Variants in SPMIP9 observed in about 807,000 individuals in gnomAD.
The protein encoded by SPMIP9 is protein SPMIP9.
the SPMIP9 span, chr2:88,528,971 C>CT: frequency 2.9e-6 from 4 of 1,400,626 alleles, no homozygotes; most frequent in African/African-American, 5.8e-5. Context: ...AGGGTGTGCT[C>CT]TGTCTTGGAT....
At chr2:88,526,893 C>G in the SPMIP9 span, among the ~76,000 whole-genome samples, 1 of 152,236 alleles carries the variant, frequency 6.6e-6, no homozygotes, top group South Asian at 2.1e-4. Flanking sequence ...ATCTTGAACT[C>G]CTGACCTCGT....
At chr2:88,526,255 G>C in the SPMIP9 span, 2 of 643,260 alleles carry the variant, frequency 3.1e-6, no homozygotes, top group South Asian at 1.9e-5. Context: ...TGGCGGGATG[G>C]TAAAAATGGG....
chr2:88,529,169 G>T, the SPMIP9 span: 1 of 1,614,170 alleles, frequency 6.2e-7, no homozygotes, highest in African/African-American at 1.3e-5. Context: ...GACTGCCAAA[G>T]ACCTGGGACT....
chr2:88,526,399 C>T, the SPMIP9 span: 1 of 1,608,452 alleles, frequency 6.2e-7, no homozygotes, highest in Non-Finnish European at 8.5e-7. Context: ...TCTCCTTGTG[C>T]TTTAGGACCC....
the SPMIP9 span, among the ~76,000 whole-genome samples, chr2:88,528,073 A>G: frequency 1.3e-5 from 2 of 150,568 alleles, no homozygotes; most frequent in African/African-American, 4.9e-5. Context: ...TCATTTTTCT[A>G]CTGGGTTTCT....
At chr2:88,526,279 A>G in the SPMIP9 span, 9 of 724,106 alleles carry the variant, frequency 1.2e-5, no homozygotes, top group East Asian at 2.3e-4. Context: ...CAGCCAGATC[A>G]TTTGGGCTCT....
chr2:88,529,266 CT>C, the SPMIP9 span: 1 of 1,614,180 alleles, frequency 6.2e-7, no homozygotes, highest in Non-Finnish European at 8.5e-7. Context: ...ACATATCCAG[CT>C]TCCCACGATC....
At chr2:88,526,998 C>T in the SPMIP9 span, among the ~76,000 whole-genome samples, 3 of 152,092 alleles carry the variant, frequency 2.0e-5, no homozygotes, top group South Asian at 2.1e-4. Flanking sequence ...ACATCAAATA[C>T]GTCATGCATA....
chr2:88,527,029 A>C, the SPMIP9 span, among the ~76,000 whole-genome samples: 1 of 152,200 alleles, frequency 6.6e-6, no homozygotes, highest in South Asian at 2.1e-4. Flanking sequence ...TAAATAATAC[A>C]CATTTAGAGT....
At chr2:88,529,211 G>A in the SPMIP9 span, 4 of 1,614,050 alleles carry the variant, frequency 2.5e-6, no homozygotes, top group African/African-American at 1.3e-5. Context: ...GGAACATGAG[G>A]CCACGAGGGA....
the SPMIP9 span, chr2:88,529,288 C>G: frequency 1.2e-6 from 2 of 1,614,148 alleles, no homozygotes; most frequent in South Asian, 1.1e-5. Flanking sequence ...TGCACCTGGC[C>G]CAGGGTGACC....
At chr2:88,525,876 C>T in the SPMIP9 span, among the ~76,000 whole-genome samples, 1 of 150,912 alleles carries the variant, frequency 6.6e-6, no homozygotes, top group Non-Finnish European at 1.5e-5. Context: ...CAGTTATTTA[C>T]TCAGCATGCA....
At chr2:88,529,339 G>A in the SPMIP9 span, 1 of 1,614,154 alleles carries the variant, frequency 6.2e-7, no homozygotes, top group South Asian at 1.1e-5. Context: ...CGTGCCTCGT[G>A]GATCCCAAAC....
the SPMIP9 span, chr2:88,524,861 T>C: frequency 6.6e-6 from 1 of 151,360 alleles, no homozygotes; most frequent in Non-Finnish European, 1.5e-5. Context: ...CTGAAGAGAG[T>C]GGGGCTTAGG....
chr2:88,527,439 A>G, the SPMIP9 span, among the ~76,000 whole-genome samples: 36 of 148,482 alleles, frequency 2.4e-4, no homozygotes, highest in South Asian at 6.3e-3. Context: ...GCGAGACTCT[A>G]TCCCCCCCAA....
the SPMIP9 span, chr2:88,529,217 A>T: frequency 1.9e-6 from 3 of 1,614,134 alleles, no homozygotes; most frequent in South Asian, 3.3e-5. Flanking sequence ...TGAGGCCACG[A>T]GGGAGGACGA....
chr2:88,529,329 C>T, the SPMIP9 span: 3,546 of 1,614,170 alleles, frequency 2.2e-3, 74 homozygotes, highest in African/African-American at 0.042. Flanking sequence ...GCTGACTTTC[C>T]GTGCCTCGTG....
chr2:88,529,182 C>G, the SPMIP9 span: 1 of 1,614,212 alleles, frequency 6.2e-7, no homozygotes, highest in Middle Eastern at 1.6e-4. Context: ...CTGGGACTCC[C>G]CGGCTTCTTC....
At chr2:88,528,989 A>G in the SPMIP9 span, 5 of 1,531,412 alleles carry the variant, frequency 3.3e-6, no homozygotes, top group Admixed American at 8.1e-5. Flanking sequence ...GATGCTTCCA[A>G]GAAAAGCTAC....
Sources: gnomAD v4.1 joint callset for allele counts (sites outside exome capture counted in the v4.1 genomes callset) on GRCh38, gnomAD v4.1.1 for gene constraint, MANE v1.5 for transcripts, NCBI Gene and HGNC (gene_info 2026-07-23, HGNC 2026-07-21) for gene names.